The following SNX29 variants were observed in gnomAD, a reference collection of about 807,000 sequenced individuals.
SNX29 encodes sorting nexin 29, also known as sorting nexin-29.
A neutral mutation model predicts 102.1 loss-of-function variants in SNX29; 78 were observed. That is an observed-to-expected ratio of 0.76 (90% CI 0.64 to 0.92). The LOEUF is 0.92. Among genes scored for constraint, SNX29 ranks in the 40% least tolerant of loss-of-function variants. The probability of loss-of-function intolerance (pLI) is 0.00; values close to 1 mark genes in which losing one functional copy is unlikely to be tolerated. For missense variants in SNX29, 1,280 were observed against 1,061.7 expected, an observed-to-expected ratio of 1.21 and a Z score of -2.86; for synonymous variants, 580 against 414.5, an observed-to-expected ratio of 1.40 and a Z score of -4.85.
chr16:12,572,697 C>A lies in SNX29; in HGVS notation c.*4068C>A. 1.9e-6 allele frequency: 2 copies of A among 1,063,704 alleles called. No individual in the cohort carries two copies. Among genetic ancestry groups the A allele is most frequent in the Non-Finnish European group, 2.3e-6 (2 of 878,274 alleles). The allele number at this position is 1,063,704 out of a possible 1,614,324, so 65.9% of individuals were successfully genotyped here. On this transcript the variant is annotated 3_prime_UTR_variant, in exon 21 of 21. Coordinates refer to ENST00000566228, the MANE Select transcript of SNX29 (RefSeq NM_032167.5). ...ACACGGGGGAAGCCCTGCACTCCAG[C>A]AGCATCTTCCAGCCTTGGCACAGAA...
chr16:12,495,551 T>A (rs749013875), intron 19 of SNX29, among the ~76,000 whole-genome samples: 1 of 152,256 alleles, frequency 6.6e-6, no homozygotes, highest in Non-Finnish European at 1.5e-5. Flanking sequence ...TTTTTTTGTT[T>A]TATAGCATTA....
At chr16:12,341,213 A>G (rs1280092288) in intron 15 of SNX29, among the ~76,000 whole-genome samples, 2 of 152,244 alleles carry the variant, frequency 1.3e-5, no homozygotes, top group African/African-American at 2.4e-5. Context: ...CAGACAGAAT[A>G]CAAGTCTTGT....
chr16:12,570,290 G>T lies in SNX29; in HGVS notation c.*1661G>T. The T allele has an allele frequency of 9.5e-7, 1 of 1,055,902 alleles. No individual in the cohort carries two copies. The highest frequency in any genetic ancestry group is 1.6e-5 in the African/African-American group (1 of 60,956). The allele number at this position is 1,055,902 out of a possible 1,614,324, so 65.4% of individuals were successfully genotyped here. A position where few individuals can be genotyped will look rare whatever the true frequency, so the allele number is the denominator to read the frequency against. ...GGTGCGGACCCTGCAGTCAGTTTGC[G>T]AGTGTGGAGGACCCGAGACATCCTG... On this transcript the variant is annotated 3_prime_UTR_variant, in exon 21 of 21. Coordinates refer to ENST00000566228, the MANE Select transcript of SNX29 (RefSeq NM_032167.5).
intron 19 of SNX29, among the ~76,000 whole-genome samples, chr16:12,519,848 A>G (rs373677583): frequency 6.6e-6 from 1 of 152,104 alleles, no homozygotes; most frequent in East Asian, 1.9e-4. Flanking sequence ...TCTCTGTTAA[A>G]AATACAAAAA....
chr16:12,133,957 A>C (rs1259948686), intron 13 of SNX29, among the ~76,000 whole-genome samples: 1 of 152,172 alleles, frequency 6.6e-6, no homozygotes, highest in Non-Finnish European at 1.5e-5. Flanking sequence ...TTTTGCTAAG[A>C]ATTACTGGCT....
intron 4 of SNX29, among the ~76,000 whole-genome samples, chr16:12,032,458 G>A (rs2057371618): frequency 1.3e-5 from 2 of 151,786 alleles, no homozygotes; most frequent in South Asian, 2.1e-4. Context: ...CACCCACCTC[G>A]GCCTCCCAAA....
intron 19 of SNX29, among the ~76,000 whole-genome samples, chr16:12,497,075 C>G (rs1230777720): frequency 6.6e-6 from 1 of 152,158 alleles, no homozygotes; most frequent in Non-Finnish European, 1.5e-5. Flanking sequence ...CCTGGACTTT[C>G]TCAGCAGTCG....
chr16:12,442,334 G>A (rs1335858354), intron 18 of SNX29, among the ~76,000 whole-genome samples: 1 of 152,156 alleles, frequency 6.6e-6, no homozygotes, highest in Non-Finnish European at 1.5e-5. Flanking sequence ...TTATTAGGAC[G>A]TCTTGGAATC....
chr16:12,125,044 A>G (rs1299311183), intron 11 of SNX29, among the ~76,000 whole-genome samples: 1 of 152,068 alleles, frequency 6.6e-6, no homozygotes, highest in Non-Finnish European at 1.5e-5. Context: ...GAGGAGAGAA[A>G]ATTACATGTT....
intron 18 of SNX29, among the ~76,000 whole-genome samples, chr16:12,412,711 A>C (rs2084452983): frequency 6.6e-6 from 1 of 152,262 alleles, no homozygotes; most frequent in African/African-American, 2.4e-5. Context: ...ATTCAGAATT[A>C]TAATTTTTTA....
intron 15 of SNX29, among the ~76,000 whole-genome samples, chr16:12,279,500 G>A (rs988419447): frequency 1.3e-5 from 2 of 152,236 alleles, no homozygotes; most frequent in African/African-American, 4.8e-5. Flanking sequence ...TGTGCTCTCT[G>A]CCCAGTGCTC....
Position 12,564,559 on chromosome 16 carries a change from C to T in SNX29, c.2319-3947C>T, listed in dbSNP as rs75940915. ...GAGTTAAGGCCTTTGGCAACCCATT[C>T]TTATGGATTGCCATCCAGACGCCCC... On this transcript the variant is annotated intron_variant, in intron 20 of 20. Coordinates refer to ENST00000566228, the MANE Select transcript of SNX29 (RefSeq NM_032167.5). Among the ~76,000 whole-genome samples, 852 of 152,268 alleles carry T rather than the reference C, an allele frequency of 5.6e-3. 12 individuals carry two copies. Among genetic ancestry groups the T allele is most frequent in the African/African-American group, 0.019 (810 of 41,548 alleles).
chr16:12,534,402 G>C (rs1485672883), intron 20 of SNX29, among the ~76,000 whole-genome samples: 3 of 152,184 alleles, frequency 2.0e-5, no homozygotes, highest in Non-Finnish European at 4.4e-5. Flanking sequence ...TTTGCTTCTT[G>C]TCCTCTGTGT....
intron 15 of SNX29, among the ~76,000 whole-genome samples, chr16:12,324,916 A>C (rs989459090): frequency 6.6e-6 from 1 of 152,090 alleles, no homozygotes. Flanking sequence ...TGACAATAAA[A>C]ACAGCGTTTC....
intron 18 of SNX29, among the ~76,000 whole-genome samples, chr16:12,423,678 C>G (rs1339552221): frequency 6.6e-6 from 1 of 152,170 alleles, no homozygotes; most frequent in Non-Finnish European, 1.5e-5. Flanking sequence ...TCAAACCATT[C>G]TCCTGTCTCA....
chr16:12,001,936 C>T (rs1369399927), intron 2 of SNX29, among the ~76,000 whole-genome samples: 1 of 151,788 alleles, frequency 6.6e-6, no homozygotes, highest in Admixed American at 6.6e-5. Context: ...GGGAGAATTG[C>T]TTGAGCCTAG....
At chr16:12,227,353 A>G (rs1392822258) in intron 14 of SNX29, among the ~76,000 whole-genome samples, 1 of 152,180 alleles carries the variant, frequency 6.6e-6, no homozygotes, top group Non-Finnish European at 1.5e-5. Context: ...CCCCAGTGAC[A>G]ACGTGGAGTG....
intron 16 of SNX29, among the ~76,000 whole-genome samples, chr16:12,357,422 T>G (rs2082166913): frequency 6.6e-6 from 1 of 152,262 alleles, no homozygotes; most frequent in African/African-American, 2.4e-5. Context: ...AATTTCCAAT[T>G]GCCTCATACC....
chr16:12,083,801 C>G (rs566154040), intron 11 of SNX29, among the ~76,000 whole-genome samples: 1 of 152,210 alleles, frequency 6.6e-6, no homozygotes, highest in African/African-American at 2.4e-5. Context: ...CAGCTCTGCC[C>G]CACAAAGCAG....
Sources: gnomAD v4.1 joint callset for allele counts (sites outside exome capture counted in the v4.1 genomes callset) on GRCh38, gnomAD v4.1.1 for gene constraint, MANE v1.5 for transcripts, NCBI Gene and HGNC (gene_info 2026-07-23, HGNC 2026-07-21) for gene names.